ST6GALNAC3: variants seen among roughly 807,000 people sequenced by gnomAD.
The protein encoded by ST6GALNAC3 is ST6 N-acetylgalactosaminide alpha-2,6-sialyltransferase 3, also known as alpha-N-acetylgalactosaminide alpha-2,6-sialyltransferase 3.
In ST6GALNAC3, 25 loss-of-function variants were observed where a neutral mutation model predicts 32.7. The observed-to-expected ratio is 0.76, with a 90% CI of 0.56 to 1.07. The LOEUF (loss-of-function observed/expected upper bound fraction) is 1.07. ST6GALNAC3 is among the 50% of genes least tolerant of loss of function. The probability of loss-of-function intolerance (pLI) is 0.00; values close to 1 mark genes in which losing one functional copy is unlikely to be tolerated. For synonymous variants in ST6GALNAC3, 129 were observed against 133.1 expected, an observed-to-expected ratio of 0.97 and a Z score of 0.21; for missense variants, 355 against 382.4, an observed-to-expected ratio of 0.93 and a Z score of 0.60.
chr1:76,402,095 A>G (rs1225661200), intron 2 of ST6GALNAC3, among the ~76,000 whole-genome samples: 1 of 152,106 alleles, frequency 6.6e-6, no homozygotes, highest in African/African-American at 2.4e-5. Context: ...TTTGAAAGTT[A>G]ACATTGTTGA....
At chr1:76,419,045 G>GCACA (rs147952829) in intron 3 of ST6GALNAC3, among the ~76,000 whole-genome samples, 24,171 of 148,866 alleles carry the variant, frequency 0.16, 1,989 homozygotes, top group East Asian at 0.26. Flanking sequence ...ACCCTCATGT[G>GCACA]CACACACACA....
chr1:76,328,352 C>A (rs1253703272), intron 2 of ST6GALNAC3, among the ~76,000 whole-genome samples: 1 of 152,084 alleles, frequency 6.6e-6, no homozygotes, highest in Admixed American at 6.5e-5. Flanking sequence ...CATGAGCTAC[C>A]GTTAAACTGA....
intron 1 of ST6GALNAC3, among the ~76,000 whole-genome samples, chr1:76,099,077 C>T (rs1029529193): frequency 1.3e-5 from 2 of 152,054 alleles, no homozygotes; most frequent in African/African-American, 4.8e-5. Context: ...ATGTTTGAGT[C>T]TTTTTCTGGA....
intron 1 of ST6GALNAC3, among the ~76,000 whole-genome samples, chr1:76,192,578 T>G (rs1653961437): frequency 6.6e-6 from 1 of 152,170 alleles, no homozygotes; most frequent in African/African-American, 2.4e-5. Flanking sequence ...TTTTTATCAT[T>G]CCGTTGGGGC....
intron 1 of ST6GALNAC3, among the ~76,000 whole-genome samples, chr1:76,104,945 C>A (rs1027095194): frequency 6.6e-6 from 1 of 152,130 alleles, no homozygotes; most frequent in Non-Finnish European, 1.5e-5. Flanking sequence ...GAAAGACCTA[C>A]CTCCATGATT....
chr1:76,634,094 T>C lies in ST6GALNAC3; in HGVS notation c.*5288T>C. The stretch of plus-strand genomic sequence containing the variant: ...TTGTTTCTTTTCAGAATAGGCACTT[T>C]TTTTTGAGTAGAAAACCTCTTCTTT... On this transcript the variant is annotated 3_prime_UTR_variant, in exon 5 of 5. Coordinates refer to ENST00000328299, the MANE Select transcript of ST6GALNAC3 (RefSeq NM_152996.4). 13 of 960,658 alleles carry C rather than the reference T, an allele frequency of 1.4e-5. No individual in the cohort carries two copies. Among genetic ancestry groups the C allele is most frequent in the Non-Finnish European group, 1.6e-5 (13 of 807,432 alleles). 59.5% of individuals were successfully genotyped at this position (960,658 alleles called of 1,614,324 possible). A position where few individuals can be genotyped will look rare whatever the true frequency, so the allele number is the denominator to read the frequency against.
At chr1:76,094,658 G>A (rs761881666) in intron 1 of ST6GALNAC3, among the ~76,000 whole-genome samples, 1 of 152,164 alleles carries the variant, frequency 6.6e-6, no homozygotes, top group Non-Finnish European at 1.5e-5. Context: ...TAGAGGAAAC[G>A]TGTATATGAT....
At chr1:76,344,339 C>T (rs761695756) in intron 2 of ST6GALNAC3, among the ~76,000 whole-genome samples, 8 of 152,168 alleles carry the variant, frequency 5.3e-5, no homozygotes, top group African/African-American at 1.7e-4. Context: ...TCTAAAGAAA[C>T]GCTTTTACTC....
At chr1:76,247,282 G>T (rs1657321104) in intron 1 of ST6GALNAC3, among the ~76,000 whole-genome samples, 1 of 152,206 alleles carries the variant, frequency 6.6e-6, no homozygotes, top group Admixed American at 6.5e-5. Context: ...ACAGGGGTCA[G>T]GGACCCACTT....
intron 3 of ST6GALNAC3, among the ~76,000 whole-genome samples, chr1:76,608,585 C>T (rs1570436265): frequency 6.9e-6 from 1 of 144,304 alleles, no homozygotes; most frequent in South Asian, 2.3e-4. Context: ...GATCAAAAGC[C>T]CTGAGCTGGA....
chr1:76,261,766 C>T (rs1290831367), intron 1 of ST6GALNAC3, among the ~76,000 whole-genome samples: 1 of 152,100 alleles, frequency 6.6e-6, no homozygotes. Context: ...CTCTGAGGGC[C>T]CTAACTCCCC....
chr1:76,628,119 A>G (rs1289396640), intron 4 of ST6GALNAC3, among the ~76,000 whole-genome samples: 1 of 151,992 alleles, frequency 6.6e-6, no homozygotes, highest in South Asian at 2.1e-4. Context: ...CAAACCCTCC[A>G]TGCTTCATCA....
intron 1 of ST6GALNAC3, among the ~76,000 whole-genome samples, chr1:76,285,976 G>A (rs2100801585): frequency 6.6e-6 from 1 of 150,618 alleles, no homozygotes; most frequent in East Asian, 2.0e-4. Context: ...CAGAGAGAAT[G>A]AGACAGATGG....
At chr1:76,608,354 T>C (rs1359080705) in intron 3 of ST6GALNAC3, among the ~76,000 whole-genome samples, 1 of 152,128 alleles carries the variant, frequency 6.6e-6, no homozygotes, top group Non-Finnish European at 1.5e-5. Context: ...AAAACAGAGA[T>C]TAACCAAATA....
intron 2 of ST6GALNAC3, among the ~76,000 whole-genome samples, chr1:76,339,116 C>T (rs1356740913): frequency 1.3e-5 from 2 of 152,244 alleles, no homozygotes; most frequent in African/African-American, 4.8e-5. Context: ...ACTGAGTGAT[C>T]CTGAGAGTGG....
intron 1 of ST6GALNAC3, among the ~76,000 whole-genome samples, chr1:76,179,172 G>T (rs1284972473): frequency 6.6e-6 from 1 of 152,238 alleles, no homozygotes; most frequent in Admixed American, 6.5e-5. Context: ...CACAAGATGG[G>T]TCGGAATTGA....
chr1:76,472,887 G>T lies in ST6GALNAC3; in HGVS notation c.623+60470G>T, dbSNP rs187615436. Reference sequence around the variant, plus strand: ...GAAAGGTGATTATTTTATATTCTGGGGGAAAAGAAGTGGCTCTCGGAGAGT... The same window carrying T: ...GAAAGGTGATTATTTTATATTCTGGTGGAAAAGAAGTGGCTCTCGGAGAGT... On this transcript the variant is annotated intron_variant, in intron 3 of 4. Coordinates refer to ENST00000328299, the MANE Select transcript of ST6GALNAC3 (RefSeq NM_152996.4). Among the ~76,000 whole-genome samples the T allele has an allele frequency of 1.3e-4, 20 of 152,108 alleles. No individual in the cohort carries two copies. The East Asian group carries it at 3.7e-3, about 28-fold the overall frequency.
chr1:76,245,838 A>G lies in ST6GALNAC3; in HGVS notation c.19-67967A>G, dbSNP rs576771499. ...AGTTTTATTTCAAATTATGTGGTCA[A>G]TTTTAGAATAAGTGCCATGTGGTGC... On this transcript the variant is annotated intron_variant, in intron 1 of 4. Coordinates refer to ENST00000328299, the MANE Select transcript of ST6GALNAC3 (RefSeq NM_152996.4). Among the ~76,000 whole-genome samples the G allele has an allele frequency of 2.6e-5, 4 of 152,280 alleles. No individual in the cohort carries two copies. The South Asian group carries it at 6.2e-4, about 24-fold the overall frequency.
chr1:76,557,978 C>T (rs1451723111), intron 3 of ST6GALNAC3, among the ~76,000 whole-genome samples: 1 of 152,048 alleles, frequency 6.6e-6, no homozygotes, highest in Non-Finnish European at 1.5e-5. Flanking sequence ...TAAGAGGGAG[C>T]TATGGTGGTT....
Sources: gnomAD v4.1 joint callset for allele counts (sites outside exome capture counted in the v4.1 genomes callset) on GRCh38, gnomAD v4.1.1 for gene constraint, MANE v1.5 for transcripts, NCBI Gene and HGNC (gene_info 2026-07-23, HGNC 2026-07-21) for gene names.